The following ZMYM5 variants were observed in gnomAD, a reference collection of about 807,000 sequenced individuals.
ZMYM5 encodes the protein zinc finger MYM-type containing 5, also known as zinc finger MYM-type protein 5.
ZMYM5 carries 41 observed loss-of-function variants against 61.8 expected under a neutral mutation model. The ratio of observed to expected loss-of-function variants is 0.66; its 90% CI spans 0.52 to 0.86. The LOEUF is 0.86. ZMYM5 is among the 40% of genes least tolerant of loss of function. The pLI, the probability that ZMYM5 is intolerant of heterozygous loss-of-function variation, is 0.00. For missense variants in ZMYM5, 706 were observed against 786.7 expected, an observed-to-expected ratio of 0.90 and a Z score of 1.23; for synonymous variants, 257 against 276.4, an observed-to-expected ratio of 0.93 and a Z score of 0.70.
At chr13:19,850,879 C>G (rs905830702) in intron 4 of ZMYM5, among the ~76,000 whole-genome samples, 1 of 151,954 alleles carries the variant, frequency 6.6e-6, no homozygotes, top group East Asian at 1.9e-4. Context: ...CCAAGTAGAC[C>G]GTACAGTTTT....
intron 4 of ZMYM5, among the ~76,000 whole-genome samples, chr13:19,850,218 A>G (rs1953237869): frequency 6.6e-6 from 1 of 152,340 alleles, no homozygotes; most frequent in South Asian, 2.1e-4. Context: ...GACTATCTAT[A>G]TAAGTTCTAA....
In ZMYM5 at chr13:19,837,915, T is replaced by C. The variant is rs1952727087; in HGVS notation, c.873-94A>G. On this transcript the variant is annotated intron_variant, in intron 5 of 7. Coordinates refer to ENST00000337963, the MANE Select transcript of ZMYM5 (RefSeq NM_001142684.2). ...ATAATTGCCATTTTTCATTTTCTTA[T>C]GATTTAATACTAGAAATCAAGTATA... The C allele has an allele frequency of 4.4e-6, 6 of 1,369,042 alleles. 1 individual carries two copies. The South Asian group carries it at 8.6e-5, about 20-fold the overall frequency. 84.8% of individuals were successfully genotyped at this position (1,369,042 alleles called of 1,614,324 possible).
chr13:19,833,827 A>G (rs1952593111), intron 7 of ZMYM5, among the ~76,000 whole-genome samples: 2 of 152,188 alleles, frequency 1.3e-5, no homozygotes, highest in Non-Finnish European at 2.9e-5. Flanking sequence ...AAGAAAATGA[A>G]AAGACAAATC....
At chr13:19,839,022 T>C in intron 4 of ZMYM5, 37 bp from the exon 5 acceptor site, 1 of 1,588,326 alleles carries the variant, frequency 6.3e-7, no homozygotes, top group Non-Finnish European at 8.6e-7. Flanking sequence ...ATGGAACAAA[T>C]CAAAATGTAC....
intron 2 of ZMYM5, among the ~76,000 whole-genome samples, chr13:19,860,696 C>G (rs1953714119): frequency 6.6e-6 from 1 of 151,776 alleles, no homozygotes; most frequent in Non-Finnish European, 1.5e-5. Context: ...CCTCGGCCTC[C>G]CAAAGTGCTG....
rs75076221 is a variant in ZMYM5, at chr13:19,847,508, T to A, written c.586+3847A>T. Among the ~76,000 whole-genome samples the A allele has an allele frequency of 4.8e-3, 737 of 152,290 alleles. 11 individuals carry two copies. The highest frequency in any genetic ancestry group is 0.016 in the African/African-American group (670 of 41,564). Reference sequence around the variant, plus strand: ...ATACCTGTCTTCTATTAAGCCAGATTTTAAAGAGATTTGCAAAAATGTAAG... The same window carrying A: ...ATACCTGTCTTCTATTAAGCCAGATATTAAAGAGATTTGCAAAAATGTAAG... On this transcript the variant is annotated intron_variant, in intron 4 of 7. Transcript: ENST00000337963.
At chr13:19,861,959 T>C (rs1676714415) in intron 2 of ZMYM5, among the ~76,000 whole-genome samples, 1 of 152,096 alleles carries the variant, frequency 6.6e-6, no homozygotes, top group Admixed American at 6.6e-5. Context: ...GTTTGACAAC[T>C]AGTTTATGTT....
At chr13:19,838,320 G>A (rs555960020) in intron 5 of ZMYM5, among the ~76,000 whole-genome samples, 3 of 152,340 alleles carry the variant, frequency 2.0e-5, no homozygotes, top group South Asian at 2.1e-4. Context: ...GGAAGTTGCA[G>A]TGAGTGGAAA....
chr13:19,858,994 G>A (rs1433769973), intron 2 of ZMYM5, among the ~76,000 whole-genome samples: 1 of 151,740 alleles, frequency 6.6e-6, no homozygotes, highest in East Asian at 1.9e-4. Context: ...TAAGTCTTGG[G>A]TTCACCAAGC....
At chr13:19,841,712 T>C (rs1342477041) in intron 4 of ZMYM5, 1 of 151,972 alleles carries the variant, frequency 6.6e-6, no homozygotes, top group Non-Finnish European at 1.5e-5. Context: ...TTTTTTGTAC[T>C]GTTTATACAA....
At chr13:19,832,096 G>A (rs1371460667) in intron 7 of ZMYM5, among the ~76,000 whole-genome samples, 1 of 151,852 alleles carries the variant, frequency 6.6e-6, no homozygotes, top group Non-Finnish European at 1.5e-5. Flanking sequence ...GACCTCAGGT[G>A]ATCTGCCACC....
Position 19,838,778 on chromosome 13 carries a change from T to C in ZMYM5, c.794A>G (p.His265Arg). 6.2e-7 allele frequency: 1 copy of C among 1,614,192 alleles called. No individual in the cohort carries two copies. Among genetic ancestry groups the C allele is most frequent in the Non-Finnish European group, 8.5e-7 (1 of 1,180,038 alleles). Reference sequence around the variant, plus strand: ...AAGGCAGGTGGTAGAGCAAAAGAGGTGAGCTGATCCTTTTCGTTGATAAGC... The same window carrying C: ...AAGGCAGGTGGTAGAGCAAAAGAGGCGAGCTGATCCTTTTCGTTGATAAGC... ...QTAYQRKGSAHLFCSTTCLSS... is the reference protein window; with the variant it reads ...QTAYQRKGSARLFCSTTCLSS... Residue 265 changes from histidine (H) to arginine (R), a missense_variant, in exon 5 of 8, where the codon CAC becomes CGC. By Grantham distance (29) the His-to-Arg change is conservative (BLOSUM62 0). Transcript: ENST00000337963.
At chr13:19,838,171 G>A (rs1952734610) in intron 5 of ZMYM5, among the ~76,000 whole-genome samples, 1 of 152,154 alleles carries the variant, frequency 6.6e-6, no homozygotes, top group Admixed American at 6.6e-5. Flanking sequence ...GAGGTCAGGA[G>A]TTCGAGACCA....
chr13:19,852,132 C>T lies in ZMYM5; in HGVS notation c.49G>A (p.Ala17Thr). Reference protein sequence around the residue: ...GGLELTEQTPALLGNMAMATS... With the variant: ...GGLELTEQTPTLLGNMAMATS... The stretch of plus-strand genomic sequence containing the variant: ...GCCATGGCCATATTCCCTAATAAAG[C>T]AGGAGTCTGTTCAGTCAACTCTAAT... The change falls in exon 3 of 8, where the codon GCT (alanine) becomes ACT (threonine). Residue 17 changes from alanine (A) to threonine (T), a missense_variant. By Grantham distance (58) the Ala-to-Thr change is moderately conservative. Around this residue, in one of 2 missense-constraint regions of ZMYM5, gnomAD observed 480 missense variants for 461.7 expected, o/e 1.04. Coordinates refer to ENST00000337963, the MANE Select transcript of ZMYM5 (RefSeq NM_001142684.2). 2 of 1,612,746 alleles carry T rather than the reference C, an allele frequency of 1.2e-6. No homozygotes were observed. Among genetic ancestry groups the T allele is most frequent in the Non-Finnish European group, 1.7e-6 (2 of 1,179,932 alleles).
chr13:19,855,119 G>C (rs552377296), intron 2 of ZMYM5, among the ~76,000 whole-genome samples: 2 of 152,268 alleles, frequency 1.3e-5, no homozygotes, highest in South Asian at 2.1e-4. Flanking sequence ...ACTTTTGGGG[G>C]CCAAGTGGGA....
In ZMYM5 at chr13:19,860,884, T is replaced by TGG. The variant is rs60555072; in HGVS notation, c.-11+1513_-11+1514dup. 5.5e-3 allele frequency among the ~76,000 whole-genome samples: 497 copies of TGG among 90,060 alleles called. 3 individuals carry two copies. Among genetic ancestry groups the TGG allele is most frequent in the Non-Finnish European group, 8.2e-3 (356 of 43,152 alleles). The allele number at this position is 90,060 out of a possible 152,430, so 59.1% of individuals were successfully genotyped here. On this transcript the variant is annotated intron_variant, in intron 2 of 7. Coordinates refer to ENST00000337963, the MANE Select transcript of ZMYM5 (RefSeq NM_001142684.2). ...AAGAGGATAAGGATTATATCTCAGG[T>TGG]GGGGGGGGGGGAATTGTATCTCCCA...
chr13:19,826,773 A>C (rs946553415), intron 7 of ZMYM5, among the ~76,000 whole-genome samples: 47 of 152,108 alleles, frequency 3.1e-4, no homozygotes, highest in East Asian at 1.7e-3. Context: ...AAAAAAAAAA[A>C]AACTGTGTCC....
intron 7 of ZMYM5, among the ~76,000 whole-genome samples, chr13:19,834,323 C>G (rs1952611803): frequency 6.7e-6 from 1 of 148,234 alleles, no homozygotes; most frequent in African/African-American, 2.5e-5. Flanking sequence ...AATTTTTTTC[C>G]AAATATATTT....
chr13:19,853,601 GTTTT>G (rs907329013), intron 2 of ZMYM5, among the ~76,000 whole-genome samples: 1 of 145,926 alleles, frequency 6.9e-6, no homozygotes. Flanking sequence ...CGTGGCCTCA[GTTTT>G]TTTTTTCTTT....
Sources: gnomAD v4.1 joint callset for allele counts (sites outside exome capture counted in the v4.1 genomes callset) on GRCh38, gnomAD v4.1.1 for gene constraint, gnomAD v4.1.1 regional missense constraint, MANE v1.5 for transcripts, NCBI Gene and HGNC (gene_info 2026-07-23, HGNC 2026-07-21) for gene names.